FABP12: variants seen among roughly 807,000 people sequenced by gnomAD.
The protein encoded by FABP12 is fatty acid-binding protein 12.
In FABP12, 19 loss-of-function variants were observed where a neutral mutation model predicts 13.7. The ratio of observed to expected loss-of-function variants is 1.39; its 90% CI spans 0.97 to 2.04. The LOEUF (loss-of-function observed/expected upper bound fraction) is 2.04. Among genes scored for constraint, FABP12 ranks in the 30% most tolerant of loss-of-function variants. The pLI, the probability that FABP12 is intolerant of heterozygous loss-of-function variation, is 0.00. For synonymous variants in FABP12, 61 were observed against 57.0 expected, an observed-to-expected ratio of 1.07 and a Z score of -0.32; for missense variants, 182 against 164.2, an observed-to-expected ratio of 1.11 and a Z score of -0.59.
intron 1 of FABP12, among the ~76,000 whole-genome samples, chr8:81,574,465 A>G (rs974118976): frequency 2.6e-5 from 4 of 152,090 alleles, no homozygotes; most frequent in Non-Finnish European, 5.9e-5. Flanking sequence ...TGCTGGCTTC[A>G]TAGAATAAAT....
chr8:81,529,248 G>A, intron 3 of FABP12, 190 bp downstream of exon 3: 1 of 630,594 alleles, frequency 1.6e-6, no homozygotes, highest in Non-Finnish European at 2.8e-6. Context: ...CTCTGGCAGT[G>A]AGCAGGAGGC....
At chr8:81,552,659 C>T (rs945681167) in intron 1 of FABP12, among the ~76,000 whole-genome samples, 18 of 152,140 alleles carry the variant, frequency 1.2e-4, no homozygotes, top group African/African-American at 4.3e-4. Flanking sequence ...ACCAATGCTT[C>T]ATTTAAATTC....
intron 1 of FABP12, among the ~76,000 whole-genome samples, chr8:81,560,829 C>A (rs1809711148): frequency 6.6e-6 from 1 of 152,166 alleles, no homozygotes; most frequent in African/African-American, 2.4e-5. Flanking sequence ...ACATTAAAGT[C>A]CATGCTCTTA....
intron 1 of FABP12, among the ~76,000 whole-genome samples, chr8:81,554,894 G>A (rs960611077): frequency 3.9e-5 from 6 of 152,130 alleles, no homozygotes; most frequent in East Asian, 3.8e-4. Context: ...ATGCTAGGTC[G>A]TGTGTGGCCC....
intron 1 of FABP12, among the ~76,000 whole-genome samples, chr8:81,545,730 A>G (rs1346717710): frequency 2.0e-5 from 3 of 152,220 alleles, no homozygotes; most frequent in Non-Finnish European, 4.4e-5. Context: ...CTATTTTACA[A>G]GATTCCAAAT....
At position 81,525,394 on chromosome 8, in the gene FABP12, T is replaced by C. The variant is rs1472776507; in HGVS notation, c.349-274A>G. The stretch of plus-strand genomic sequence containing the variant: ...AGCCGGGGATGATGGCATGCGCCTA[T>C]AGTCCCAGCTACTCAGAAGGCTGAG... On this transcript the variant is annotated intron_variant, in intron 4 of 4. Coordinates refer to ENST00000360464, the Ensembl canonical transcript of FABP12. Among the ~76,000 whole-genome samples the C allele has an allele frequency of 3.9e-5, 6 of 151,984 alleles. No homozygotes were observed. In the East Asian group the frequency reaches 1.2e-3, roughly 29 times the overall value.
chr8:81,526,977 T>C (rs1808918170), intron 4 of FABP12, 43 bp downstream of exon 4: 1 of 1,100,034 alleles, frequency 9.1e-7, no homozygotes, highest in Admixed American at 2.2e-5. Context: ...TTTATATTAG[T>C]CGTTGCAGAA....
upstream of FABP12, among the ~76,000 whole-genome samples, chr8:81,536,971 T>G (rs1220564827): frequency 6.6e-6 from 1 of 152,364 alleles, no homozygotes; most frequent in East Asian, 1.9e-4. Context: ...ACCCCTGTTT[T>G]AGAGTCTCAA....
At chr8:81,574,565 G>A (rs1449852543) in intron 1 of FABP12, among the ~76,000 whole-genome samples, 2 of 152,082 alleles carry the variant, frequency 1.3e-5, no homozygotes, top group Admixed American at 6.6e-5. Context: ...GAATTCTGCT[G>A]TGAATCATCT....
At chr8:81,560,945 G>A (rs536822670) in intron 1 of FABP12, among the ~76,000 whole-genome samples, 1 of 152,332 alleles carries the variant, frequency 6.6e-6, no homozygotes, top group Admixed American at 6.5e-5. Flanking sequence ...ACTGTGGCCT[G>A]AGGAGCCACA....
intron 1 of FABP12, among the ~76,000 whole-genome samples, chr8:81,567,251 G>A (rs1809840640): frequency 6.6e-6 from 1 of 151,618 alleles, no homozygotes. Flanking sequence ...GCATTGGTAG[G>A]GATTCAATAC....
chr8:81,538,610 C>T (rs1400904564), upstream of FABP12, among the ~76,000 whole-genome samples: 1 of 152,084 alleles, frequency 6.6e-6, no homozygotes, highest in Non-Finnish European at 1.5e-5. Flanking sequence ...TTGTCAGCAG[C>T]CACCAGAAGC....
At chr8:81,540,066 C>G (rs1191263959) in intron 1 of FABP12, among the ~76,000 whole-genome samples, 2 of 152,212 alleles carry the variant, frequency 1.3e-5, no homozygotes, top group African/African-American at 2.4e-5. Flanking sequence ...CCAGGCAATT[C>G]TGACTGAAGT....
chr8:81,569,814 T>TA (rs1712103481), intron 1 of FABP12, among the ~76,000 whole-genome samples: 1 of 152,234 alleles, frequency 6.6e-6, no homozygotes, highest in African/African-American at 2.4e-5. Context: ...ATATTATTGT[T>TA]ACGGGATCTT....
chr8:81,563,317 T>G (rs964646560), intron 1 of FABP12, among the ~76,000 whole-genome samples: 6 of 152,178 alleles, frequency 3.9e-5, no homozygotes, highest in African/African-American at 1.4e-4. Flanking sequence ...CCAAGAAGGA[T>G]GGGTACAAAC....
chr8:81,549,480 G>T (rs565165176), intron 1 of FABP12, among the ~76,000 whole-genome samples: 1 of 152,160 alleles, frequency 6.6e-6, no homozygotes, highest in Admixed American at 6.6e-5. Context: ...AGTGTATAGC[G>T]TTGGTCAATC....
At chr8:81,552,096 AG>A (rs1809531642) in intron 1 of FABP12, among the ~76,000 whole-genome samples, 2 of 152,130 alleles carry the variant, frequency 1.3e-5, no homozygotes, top group South Asian at 4.1e-4. Context: ...GTGGGGTACG[AG>A]GGAAACTCAA....
At chr8:81,584,444 C>A (rs71519091) in intron 1 of FABP12, among the ~76,000 whole-genome samples, 1 of 152,202 alleles carries the variant, frequency 6.6e-6, no homozygotes, top group Non-Finnish European at 1.5e-5. Context: ...GCCTCCATTG[C>A]CACAGCAGAT....
intron 1 of FABP12, among the ~76,000 whole-genome samples, chr8:81,540,320 G>A (rs1175303548): frequency 3.9e-5 from 6 of 152,210 alleles, no homozygotes; most frequent in African/African-American, 1.2e-4. Flanking sequence ...CCAAAGAACA[G>A]AGTGTGAAAA....
Sources: gnomAD v4.1 joint callset for allele counts (sites outside exome capture counted in the v4.1 genomes callset) on GRCh38, gnomAD v4.1.1 for gene constraint, MANE v1.5 for transcripts, NCBI Gene and HGNC (gene_info 2026-07-23, HGNC 2026-07-21) for gene names.